Variants in SCFD2 observed in about 807,000 individuals in gnomAD.
The protein encoded by SCFD2 is sec1 family domain containing 2.
Under a neutral mutation model 58.9 loss-of-function variants are expected in SCFD2, and 54 were observed. The observed-to-expected ratio is 0.92, with a 90% CI of 0.74 to 1.15. The LOEUF is 1.15. SCFD2 is among the 50% of genes most tolerant of loss of function. The pLI, the probability that SCFD2 is intolerant of heterozygous loss-of-function variation, is 0.00. For missense variants in SCFD2, 805 were observed against 836.6 expected, an observed-to-expected ratio of 0.96 and a Z score of 0.47; for synonymous variants, 321 against 335.9, an observed-to-expected ratio of 0.96 and a Z score of 0.49.
intron 5 of SCFD2, among the ~76,000 whole-genome samples, chr4:53,134,862 C>T (rs1439612212): frequency 1.3e-5 from 2 of 152,206 alleles, no homozygotes; most frequent in African/African-American, 4.8e-5. Flanking sequence ...TGGAGTAAAT[C>T]AGACGTTCTA....
intron 5 of SCFD2, among the ~76,000 whole-genome samples, chr4:53,057,108 C>T (rs1472888703): frequency 6.6e-6 from 1 of 152,114 alleles, no homozygotes; most frequent in Admixed American, 6.6e-5. Context: ...TCACTTGAAC[C>T]TGGGAGGTGG....
chr4:52,989,179 T>C (rs1331245442), intron 5 of SCFD2, among the ~76,000 whole-genome samples: 3 of 152,204 alleles, frequency 2.0e-5, no homozygotes, highest in Non-Finnish European at 4.4e-5. Flanking sequence ...TGGGCAATCA[T>C]TGTACAAATG....
chr4:53,313,381 A>C (rs1027416496), intron 3 of SCFD2, among the ~76,000 whole-genome samples: 1 of 152,210 alleles, frequency 6.6e-6, no homozygotes, highest in African/African-American at 2.4e-5. Flanking sequence ...TCTAAAATAG[A>C]TCAATAAGAA....
At chr4:53,013,863 TG>T (rs1370758589) in intron 5 of SCFD2, among the ~76,000 whole-genome samples, 1 of 152,148 alleles carries the variant, frequency 6.6e-6, no homozygotes, top group Non-Finnish European at 1.5e-5. Context: ...TTGGATTCCG[TG>T]CAGGGGAGGG....
At chr4:53,205,933 A>T (rs1268279400) in intron 4 of SCFD2, among the ~76,000 whole-genome samples, 2 of 152,064 alleles carry the variant, frequency 1.3e-5, no homozygotes, top group African/African-American at 4.8e-5. Flanking sequence ...AAACACAATT[A>T]TCAACTCAAA....
At chr4:53,247,426 A>C (rs1397632486) in intron 4 of SCFD2, among the ~76,000 whole-genome samples, 1 of 152,248 alleles carries the variant, frequency 6.6e-6, no homozygotes, top group African/African-American at 2.4e-5. Context: ...TCTATCATAA[A>C]AACACATGCA....
At chr4:53,182,284 G>T (rs1313533182) in intron 4 of SCFD2, among the ~76,000 whole-genome samples, 1 of 152,160 alleles carries the variant, frequency 6.6e-6, no homozygotes, top group Non-Finnish European at 1.5e-5. Flanking sequence ...AAAACAGCGT[G>T]GTACTGGTAC....
rs557336697 is a variant in SCFD2 at position 52,873,201 on chromosome 4, A to C, written c.*768T>G. 13 of 152,384 alleles carry C rather than the reference A, an allele frequency of 8.5e-5. No homozygotes were observed. Among genetic ancestry groups the C allele is most frequent in the Non-Finnish European group, 1.6e-4 (11 of 68,038 alleles). The allele number at this position is 152,384 out of a possible 1,614,324, so 9.4% of individuals were successfully genotyped here. A position where few individuals can be genotyped will look rare whatever the true frequency, so the allele number is the denominator to read the frequency against. On this transcript the variant is annotated 3_prime_UTR_variant, in exon 9 of 9. Coordinates refer to ENST00000401642, the MANE Select transcript of SCFD2 (RefSeq NM_152540.4). ...ATCAAAACTCATACCCACAAAGTCC[A>C]CAGGGGTTGCTGTTACAATTTAGAC...
At chr4:52,980,859 A>G (rs1553912618) in intron 5 of SCFD2, among the ~76,000 whole-genome samples, 1 of 152,244 alleles carries the variant, frequency 6.6e-6, no homozygotes, top group East Asian at 1.9e-4. Context: ...TTCTGACATG[A>G]TATTTTTGCA....
At chr4:53,238,125 G>T (rs1577879706) in intron 4 of SCFD2, among the ~76,000 whole-genome samples, 1 of 134,452 alleles carries the variant, frequency 7.4e-6, no homozygotes, top group South Asian at 2.5e-4. Context: ...CAGTAGGGGT[G>T]GCCGGGCAGA....
At chr4:53,182,190 G>T (rs1323894585) in intron 4 of SCFD2, among the ~76,000 whole-genome samples, 1 of 152,140 alleles carries the variant, frequency 6.6e-6, no homozygotes, top group African/African-American at 2.4e-5. Flanking sequence ...AGCCCACACT[G>T]CCAAGTCAAT....
intron 4 of SCFD2, among the ~76,000 whole-genome samples, chr4:53,177,320 A>G (rs1727368961): frequency 6.6e-6 from 1 of 152,192 alleles, no homozygotes; most frequent in Admixed American, 6.5e-5. Context: ...CACCCAATCC[A>G]CAATTGAGGT....
chr4:53,129,855 C>T (rs568725876), intron 5 of SCFD2, among the ~76,000 whole-genome samples: 16 of 152,330 alleles, frequency 1.1e-4, no homozygotes, highest in African/African-American at 3.6e-4. Flanking sequence ...AACTGCAAAA[C>T]ACATGCAAAA....
intron 4 of SCFD2, among the ~76,000 whole-genome samples, chr4:53,193,745 T>C (rs1182407488): frequency 1.3e-5 from 2 of 152,216 alleles, no homozygotes; most frequent in South Asian, 2.1e-4. Context: ...TTTAAAAATA[T>C]AGAACTTTGA....
chr4:52,969,759 T>C (rs1577868287), intron 5 of SCFD2, among the ~76,000 whole-genome samples: 1 of 151,422 alleles, frequency 6.6e-6, no homozygotes, highest in South Asian at 2.1e-4. Flanking sequence ...GCAGAGGGAG[T>C]GAGATATGAA....
chr4:53,077,495 T>C (rs28433063), intron 5 of SCFD2, among the ~76,000 whole-genome samples: 5 of 152,128 alleles, frequency 3.3e-5, no homozygotes, highest in Admixed American at 6.6e-5. Flanking sequence ...TGGAGTGCAG[T>C]GGCATGATCT....
chr4:53,312,919 A>G (rs1422675290), intron 3 of SCFD2, among the ~76,000 whole-genome samples: 1 of 152,136 alleles, frequency 6.6e-6, no homozygotes, highest in East Asian at 1.9e-4. Flanking sequence ...TTCTGTATCA[A>G]TAAAATTATT....
intron 4 of SCFD2, among the ~76,000 whole-genome samples, chr4:53,209,574 G>A (rs549341537): frequency 2.2e-4 from 33 of 152,056 alleles, no homozygotes; most frequent in South Asian, 1.2e-3. Flanking sequence ...ATTCTTTCAC[G>A]GATACATGCC....
intron 4 of SCFD2, among the ~76,000 whole-genome samples, chr4:53,210,601 T>G (rs1416988370): frequency 6.6e-6 from 1 of 152,082 alleles, no homozygotes; most frequent in Non-Finnish European, 1.5e-5. Context: ...TAAATATTTC[T>G]GTTCTGAAAA....
Sources: allele counts gnomAD v4.1 joint callset (sites outside exome capture counted in the v4.1 genomes callset), GRCh38; gene constraint gnomAD v4.1.1; transcripts MANE v1.5; gene names NCBI Gene and HGNC (gene_info 2026-07-23, HGNC 2026-07-21).